Variants in GPC5 observed in about 807,000 individuals in gnomAD.
The protein encoded by GPC5 is glypican 5.
GPC5 carries 47 observed loss-of-function variants against 53.9 expected under a neutral mutation model. The observed-to-expected ratio is 0.87, with a 90% CI of 0.69 to 1.11. The LOEUF (loss-of-function observed/expected upper bound fraction) is 1.11. Among genes scored for constraint, GPC5 ranks in the 50% most tolerant of loss-of-function variants. The pLI is 0.00. For missense variants in GPC5, 748 were observed against 713.1 expected (o/e 1.05, Z -0.56); for synonymous variants, 286 against 263.3 (o/e 1.09, Z -0.84).
At chr13:91,440,730 A>G (rs996263391) in intron 1 of GPC5, among the ~76,000 whole-genome samples, 7 of 152,182 alleles carry the variant, frequency 4.6e-5, no homozygotes, top group African/African-American at 1.7e-4. Context: ...GAGTTTTGAT[A>G]TGTTTGTCTT....
At chr13:92,202,661 G>C (rs2042303747) in intron 7 of GPC5, among the ~76,000 whole-genome samples, 1 of 152,132 alleles carries the variant, frequency 6.6e-6, no homozygotes, top group Non-Finnish European at 1.5e-5. Flanking sequence ...TGAAAATGTA[G>C]TGCAACATTT....
intron 1 of GPC5, among the ~76,000 whole-genome samples, chr13:91,423,843 C>A (rs1230567389): frequency 4.6e-5 from 7 of 151,948 alleles, no homozygotes; most frequent in Admixed American, 4.6e-4. Context: ...TTGTAGCCCA[C>A]AAATATATAT....
chr13:92,383,034 C>CATTATATG (rs1160206752), intron 7 of GPC5, among the ~76,000 whole-genome samples: 157 of 148,288 alleles, frequency 1.1e-3, no homozygotes, highest in Non-Finnish European at 1.6e-3. Context: ...AAGGAAATCG[C>CATTATATG]ATTATATGGA....
At chr13:91,519,894 T>A (rs1184177893) in intron 2 of GPC5, among the ~76,000 whole-genome samples, 1 of 136,824 alleles carries the variant, frequency 7.3e-6, no homozygotes, top group Non-Finnish European at 1.6e-5. Context: ...GAAAAAAAAA[T>A]AGTTCCAAGG....
chr13:92,749,737 A>C (rs554900638), intron 7 of GPC5, among the ~76,000 whole-genome samples: 1 of 152,302 alleles, frequency 6.6e-6, no homozygotes, highest in African/African-American at 2.4e-5. Context: ...GGAGAGTACA[A>C]CAATTTGTAG....
At chr13:91,439,650 A>G (rs1880271297) in intron 1 of GPC5, among the ~76,000 whole-genome samples, 1 of 152,088 alleles carries the variant, frequency 6.6e-6, no homozygotes, top group Non-Finnish European at 1.5e-5. Flanking sequence ...GATGGTACTC[A>G]TAATTTATGC....
At chr13:91,659,769 C>T (rs541367764) in intron 2 of GPC5, among the ~76,000 whole-genome samples, 3 of 152,248 alleles carry the variant, frequency 2.0e-5, no homozygotes, top group South Asian at 2.1e-4. Context: ...ACCATGATCG[C>T]CACCTCCTGG....
intron 2 of GPC5, among the ~76,000 whole-genome samples, chr13:91,481,580 C>G (rs1224219902): frequency 6.6e-6 from 1 of 152,138 alleles, no homozygotes; most frequent in African/African-American, 2.4e-5. Flanking sequence ...GAGTCAAATT[C>G]CTGGCGATGT....
chr13:92,666,316 C>T (rs1886563399), intron 7 of GPC5, among the ~76,000 whole-genome samples: 1 of 152,020 alleles, frequency 6.6e-6, no homozygotes, highest in Non-Finnish European at 1.5e-5. Context: ...GATACATAGC[C>T]ACTGTATATA....
chr13:91,990,569 C>G (rs1486204895), intron 6 of GPC5, among the ~76,000 whole-genome samples: 2 of 152,056 alleles, frequency 1.3e-5, no homozygotes, highest in Non-Finnish European at 1.5e-5. Context: ...TTATAATTAA[C>G]TTTTAATATG....
chr13:92,319,766 C>T (rs1019455708), intron 7 of GPC5, among the ~76,000 whole-genome samples: 10 of 152,116 alleles, frequency 6.6e-5, no homozygotes, highest in East Asian at 5.8e-4. Context: ...ACATGTTATA[C>T]GTACAGTGCA....
In GPC5 at chr13:92,005,290, T is replaced by G. The variant is rs142545314; in HGVS notation, c.1401+97233T>G. On this transcript the variant is annotated intron_variant, in intron 6 of 7. Coordinates refer to ENST00000377067, the MANE Select transcript of GPC5 (RefSeq NM_004466.6). Reference sequence around the variant, plus strand: ...ATACTTCACAAAACTGCAACAGCCTTACACTACTTTGGCCTTTTATCCACG... The same window carrying G: ...ATACTTCACAAAACTGCAACAGCCTGACACTACTTTGGCCTTTTATCCACG... 4.0e-3 allele frequency among the ~76,000 whole-genome samples: 602 copies of G among 152,308 alleles called. 6 individuals are homozygous for G. The highest frequency in any genetic ancestry group is 0.039 in the East Asian group (201 of 5,172).
chr13:91,686,813 C>T (rs1252373541), intron 2 of GPC5, among the ~76,000 whole-genome samples: 2 of 151,944 alleles, frequency 1.3e-5, no homozygotes, highest in East Asian at 3.8e-4. Context: ...AGGCACAGAG[C>T]AACTCTAAAG....
chr13:91,577,273 C>G (rs1017139627), intron 2 of GPC5, among the ~76,000 whole-genome samples: 1 of 152,168 alleles, frequency 6.6e-6, no homozygotes, highest in Non-Finnish European at 1.5e-5. Context: ...GGTTAATTTT[C>G]TGTATATATT....
chr13:92,440,093 A>C (rs117578786), intron 7 of GPC5, among the ~76,000 whole-genome samples: 1 of 152,150 alleles, frequency 6.6e-6, no homozygotes, highest in African/African-American at 2.4e-5. Context: ...GGACAAGACA[A>C]TGTTTTCTTT....
chr13:91,979,254 G>A (rs1398668341), intron 6 of GPC5, among the ~76,000 whole-genome samples: 2 of 152,042 alleles, frequency 1.3e-5, no homozygotes, highest in Admixed American at 6.6e-5. Flanking sequence ...TTAACATCAC[G>A]GAGGTATTCA....
chr13:92,824,880 T>A (rs763481480), intron 7 of GPC5, among the ~76,000 whole-genome samples: 1 of 152,124 alleles, frequency 6.6e-6, no homozygotes, highest in Non-Finnish European at 1.5e-5. Context: ...TATATTCCAA[T>A]ATATTTTCTA....
intron 5 of GPC5, among the ~76,000 whole-genome samples, chr13:91,828,347 A>ATAGG (rs144877705): frequency 0.016 from 2,446 of 150,154 alleles, 42 homozygotes; most frequent in African/African-American, 0.04. Context: ...AGATAGGTAG[A>ATAGG]TAGGTAGGTA....
intron 2 of GPC5, among the ~76,000 whole-genome samples, chr13:91,503,053 A>T (rs2139302457): frequency 6.6e-6 from 1 of 152,298 alleles, no homozygotes; most frequent in South Asian, 2.1e-4. Context: ...TAGAAAAGAG[A>T]GATAAAGATA....
Sources: gnomAD v4.1 joint callset for allele counts (sites outside exome capture counted in the v4.1 genomes callset) on GRCh38, gnomAD v4.1.1 for gene constraint, MANE v1.5 for transcripts, NCBI Gene and HGNC (gene_info 2026-07-23, HGNC 2026-07-21) for gene names.